Variants in PDE7B observed in about 807,000 individuals in gnomAD.
PDE7B encodes 3',5'-cyclic-AMP phosphodiesterase 7B.
A neutral mutation model predicts 56.2 loss-of-function variants in PDE7B; 29 were observed. The ratio of observed to expected loss-of-function variants is 0.52; its 90% CI spans 0.38 to 0.70. The LOEUF (loss-of-function observed/expected upper bound fraction) is 0.70. Among genes scored for constraint, PDE7B ranks in the 30% least tolerant of loss-of-function variants. The probability of loss-of-function intolerance (pLI) is 0.00; values close to 1 mark genes in which losing one functional copy is unlikely to be tolerated. For synonymous variants in PDE7B, 197 were observed against 196.9 expected (o/e 1.00, Z 0.00); for missense variants, 490 against 565.0 (o/e 0.87, Z 1.35).
At chr6:136,057,925 C>T (rs780952341) in intron 2 of PDE7B, among the ~76,000 whole-genome samples, 1 of 152,064 alleles carries the variant, frequency 6.6e-6, no homozygotes, top group African/African-American at 2.4e-5. Flanking sequence ...TTAGTAGAGA[C>T]GGGGTTTCAC....
intron 2 of PDE7B, among the ~76,000 whole-genome samples, chr6:136,027,798 T>G (rs945717341): frequency 1.2e-4 from 18 of 151,996 alleles, no homozygotes; most frequent in Non-Finnish European, 1.9e-4. Flanking sequence ...ATTTTTATAT[T>G]TTTAGTAGAG....
At chr6:135,865,662 GA>G (rs1278290033) in intron 1 of PDE7B, among the ~76,000 whole-genome samples, 2 of 147,884 alleles carry the variant, frequency 1.4e-5, no homozygotes, top group Middle Eastern at 3.4e-3. Flanking sequence ...TGTGTGGAGA[GA>G]GAGAGAGAGA....
chr6:135,948,231 T>C (rs1386309866), intron 2 of PDE7B, among the ~76,000 whole-genome samples: 1 of 152,020 alleles, frequency 6.6e-6, no homozygotes, highest in Non-Finnish European at 1.5e-5. Context: ...GGTCTAGTGT[T>C]TAGATCTTAT....
chr6:136,104,764 G>A (rs1048927282), intron 2 of PDE7B, among the ~76,000 whole-genome samples: 5 of 152,274 alleles, frequency 3.3e-5, no homozygotes, highest in African/African-American at 1.2e-4. Flanking sequence ...CAATTGTCCT[G>A]CCTCCTGCCT....
chr6:136,018,612 A>G lies in PDE7B; in HGVS notation c.82+71088A>G, dbSNP rs114179246. Among the ~76,000 whole-genome samples the G allele has an allele frequency of 4.4e-3, 669 of 152,306 alleles. 7 individuals are homozygous for G. Among genetic ancestry groups the G allele is most frequent in the African/African-American group, 0.015 (630 of 41,558 alleles). ...GAAAAGAACATGGTGCCTCCTCACCACAAGTAACTCAAAACAAAATAATAC... is the reference window on the plus strand; with the variant it reads ...GAAAAGAACATGGTGCCTCCTCACCGCAAGTAACTCAAAACAAAATAATAC... On this transcript the variant is annotated intron_variant, in intron 2 of 12. Coordinates refer to ENST00000308191, the MANE Select transcript of PDE7B (RefSeq NM_018945.4).
chr6:135,928,453 T>TTATATATATATTTATTTA (rs1201543019), intron 1 of PDE7B, among the ~76,000 whole-genome samples: 7 of 105,262 alleles, frequency 6.7e-5, no homozygotes, highest in Non-Finnish European at 9.5e-5. Context: ...ATATATTTAT[T>TTATATATATATTTATTTA]TATATATATA....
intron 1 of PDE7B, among the ~76,000 whole-genome samples, chr6:135,901,320 T>C (rs1187233463): frequency 6.6e-6 from 1 of 152,222 alleles, no homozygotes; most frequent in African/African-American, 2.4e-5. Context: ...ATGATTCATC[T>C]ATTCACTATT....
At chr6:135,856,410 C>A (rs552336091) in intron 1 of PDE7B, among the ~76,000 whole-genome samples, 3 of 152,214 alleles carry the variant, frequency 2.0e-5, no homozygotes, top group African/African-American at 7.2e-5. Context: ...TATATTACTT[C>A]ACTTAATATC....
chr6:136,121,001 T>A (rs1777924979), intron 3 of PDE7B, among the ~76,000 whole-genome samples: 1 of 152,096 alleles, frequency 6.6e-6, no homozygotes, highest in African/African-American at 2.4e-5. Context: ...TGTGTCTGAC[T>A]CCCCTCTCCT....
At chr6:136,115,573 C>T (rs1284809394) in intron 3 of PDE7B, among the ~76,000 whole-genome samples, 1 of 152,154 alleles carries the variant, frequency 6.6e-6, no homozygotes, top group East Asian at 1.9e-4. Flanking sequence ...ACCATTTTCA[C>T]CTTCTACATC....
chr6:136,076,884 G>C (rs899267618), intron 2 of PDE7B, among the ~76,000 whole-genome samples: 2 of 152,138 alleles, frequency 1.3e-5, no homozygotes, highest in Admixed American at 6.6e-5. Flanking sequence ...TTTCTCCATG[G>C]AAAGTGGTCA....
At chr6:136,056,111 T>C (rs1776724813) in intron 2 of PDE7B, among the ~76,000 whole-genome samples, 1 of 152,148 alleles carries the variant, frequency 6.6e-6, no homozygotes, top group Non-Finnish European at 1.5e-5. Flanking sequence ...GGAATCTGGA[T>C]GGCACTAGAA....
chr6:135,942,298 AATTAT>A (rs1445939363), intron 1 of PDE7B, among the ~76,000 whole-genome samples: 8 of 152,092 alleles, frequency 5.3e-5, no homozygotes, highest in South Asian at 2.1e-4. Flanking sequence ...AGTTCATGGA[AATTAT>A]ATTATTTTAA....
intron 1 of PDE7B, among the ~76,000 whole-genome samples, chr6:135,902,079 G>A (rs754932354): frequency 2.0e-5 from 3 of 152,150 alleles, no homozygotes; most frequent in Non-Finnish European, 2.9e-5. Flanking sequence ...CGGACACTAA[G>A]AGGGTTTACT....
chr6:136,037,792 A>G, intron 2 of PDE7B: 1 of 985,460 alleles, frequency 1.0e-6, no homozygotes, highest in Non-Finnish European at 1.2e-6. Context: ...ACAAAGAGCT[A>G]AGAGTCAACA....
At chr6:135,867,964 A>G (rs1039309003) in intron 1 of PDE7B, among the ~76,000 whole-genome samples, 1 of 152,234 alleles carries the variant, frequency 6.6e-6, no homozygotes, top group African/African-American at 2.4e-5. Flanking sequence ...TAATGCAAAA[A>G]GGTAATCTAA....
At chr6:136,152,497 G>A (rs1583911379) in intron 6 of PDE7B, among the ~76,000 whole-genome samples, 1 of 152,154 alleles carries the variant, frequency 6.6e-6, no homozygotes, top group Admixed American at 6.5e-5. Flanking sequence ...ACTTGCCCAA[G>A]GCCAACAGCT....
At chr6:136,060,881 A>C (rs958726290) in intron 2 of PDE7B, among the ~76,000 whole-genome samples, 1 of 152,174 alleles carries the variant, frequency 6.6e-6, no homozygotes, top group Admixed American at 6.5e-5. Flanking sequence ...ACTTCTTTTT[A>C]AAAAAGAAGT....
At chr6:135,878,955 G>T (rs1353882126) in intron 1 of PDE7B, among the ~76,000 whole-genome samples, 1 of 151,898 alleles carries the variant, frequency 6.6e-6, no homozygotes, top group African/African-American at 2.4e-5. Flanking sequence ...CTAGCCCTTT[G>T]TCATATATCT....
Sources: allele counts gnomAD v4.1 joint callset (sites outside exome capture counted in the v4.1 genomes callset), GRCh38; gene constraint gnomAD v4.1.1; transcripts MANE v1.5; gene names NCBI Gene and HGNC (gene_info 2026-07-23, HGNC 2026-07-21).